The following ASAH2B variants were observed in gnomAD, a reference collection of about 807,000 sequenced individuals.
ASAH2B encodes N-acylsphingosine amidohydrolase 2B.
In ASAH2B, 1 loss-of-function variant was observed where a neutral mutation model predicts 2.9. The ratio of observed to expected loss-of-function variants is 0.34; its 90% CI spans 0.12 to 1.63. The LOEUF (loss-of-function observed/expected upper bound fraction) is 1.63. Ranked by LOEUF, ASAH2B falls within the 40% of genes most tolerant of loss-of-function variation. ASAH2B has a pLI of 0.36. For synonymous variants in ASAH2B, 4 were observed against 13.3 expected (o/e 0.30, Z 1.52); for missense variants, 9 against 37.7 (o/e 0.24, Z 1.99).
At chr10:50,745,879 A>G (rs1323086903) in intron 3 of ASAH2B, among the ~76,000 whole-genome samples, 1 of 151,110 alleles carries the variant, frequency 6.6e-6, no homozygotes, top group East Asian at 1.9e-4. Context: ...GATAAATAAA[A>G]ATTATATATA....
At chr10:50,743,115 C>T (rs1407632273) in intron 2 of ASAH2B, 105 bp downstream of exon 2, 56 of 1,193,238 alleles carry the variant, frequency 4.7e-5, no homozygotes, top group Non-Finnish European at 5.4e-5. Context: ...ACCTTAGCTT[C>T]GAGTGTTCAG....
chr10:50,747,436 TG>T (rs1243697127), intron 3 of ASAH2B, among the ~76,000 whole-genome samples: 2 of 151,544 alleles, frequency 1.3e-5, no homozygotes, highest in African/African-American at 2.4e-5. Flanking sequence ...CCTTCATCTT[TG>T]TTTTTTTTGC....
intron 2 of ASAH2B, among the ~76,000 whole-genome samples, chr10:50,744,113 C>T (rs560964063): frequency 6.6e-6 from 1 of 150,796 alleles, no homozygotes; most frequent in African/African-American, 2.5e-5. Context: ...TTATTTATTT[C>T]TATTATAAAA....
At chr10:50,747,700 T>C (rs1839928372) in intron 3 of ASAH2B, among the ~76,000 whole-genome samples, 1 of 151,862 alleles carries the variant, frequency 6.6e-6, no homozygotes, top group African/African-American at 2.4e-5. Context: ...TTTAATAAGG[T>C]ATTTGCATTC....
At chr10:50,742,405 T>TA (rs1368477106) in intron 1 of ASAH2B, among the ~76,000 whole-genome samples, 3 of 152,210 alleles carry the variant, frequency 2.0e-5, no homozygotes, top group Non-Finnish European at 1.5e-5. Flanking sequence ...AGGTTGGTTT[T>TA]AGATTTGATA....
chr10:50,742,966 G>T lies in ASAH2B; in HGVS notation c.-48G>T, dbSNP rs927412246. Reference sequence around the variant, plus strand: ...AATTTATGGACCGCACGCATTATCTGCTTACATTCAGCTCTTCAGAAACCT... The same window carrying T: ...AATTTATGGACCGCACGCATTATCTTCTTACATTCAGCTCTTCAGAAACCT... On this transcript the variant is annotated 5_prime_UTR_variant, in exon 2 of 6. Transcript: ENST00000647317. 1.9e-6 allele frequency: 3 copies of T among 1,613,918 alleles called. No individual in the cohort carries two copies. The African/African-American group carries it at 4.0e-5, about 22-fold the overall frequency.
chr10:50,753,051 G>A (rs1187467307), intron 5 of ASAH2B, among the ~76,000 whole-genome samples: 2 of 145,124 alleles, frequency 1.4e-5, no homozygotes, highest in African/African-American at 5.1e-5. Flanking sequence ...ACTTGAGTGA[G>A]GAGATAATAT....
chr10:50,746,166 G>C (rs1042600982), intron 3 of ASAH2B, among the ~76,000 whole-genome samples: 5 of 151,414 alleles, frequency 3.3e-5, no homozygotes, highest in Middle Eastern at 6.8e-3. Flanking sequence ...CCTAGCCCCT[G>C]GTAACTAACC....
intron 2 of ASAH2B, chr10:50,744,832 A>G (rs1839883902): frequency 2.3e-6 from 1 of 429,970 alleles, no homozygotes; most frequent in Non-Finnish European, 4.3e-6. Context: ...AGGTCAGACA[A>G]TTTGAAAGTA....
At chr10:50,744,444 G>A (rs981357938) in intron 2 of ASAH2B, among the ~76,000 whole-genome samples, 2 of 151,524 alleles carry the variant, frequency 1.3e-5, no homozygotes, top group Admixed American at 1.3e-4. Flanking sequence ...ATCATATGCA[G>A]TTGTAAAGAT....
intron 1 of ASAH2B, among the ~76,000 whole-genome samples, chr10:50,742,702 A>G (rs1433159581): frequency 6.6e-6 from 1 of 152,180 alleles, no homozygotes; most frequent in East Asian, 1.9e-4. Context: ...AAGCAGAGAG[A>G]ACCCACTGCT....
In ASAH2B at chr10:50,759,190, C is replaced by G. The variant is rs1428235036; in HGVS notation, c.*4450C>G. The G allele has an allele frequency of 3.9e-4, 27 of 70,020 alleles. No individual in the cohort carries two copies. Among genetic ancestry groups the G allele is most frequent in the East Asian group, 1.5e-3 (1 of 670 alleles). The allele number at this position is 70,020 out of a possible 1,614,324, so 4.3% of individuals were successfully genotyped here. On this transcript the variant is annotated 3_prime_UTR_variant, in exon 6 of 6. Coordinates refer to ENST00000647317, the MANE Select transcript of ASAH2B (RefSeq NM_001321958.2). Reference sequence around the variant, plus strand: ...TTGTATTAGCATTTTTCCCCCTTGACATCAATGTCCTTGAATGTATTTGCC... The same window carrying G: ...TTGTATTAGCATTTTTCCCCCTTGAGATCAATGTCCTTGAATGTATTTGCC...
At position 50,757,826 on chromosome 10, in the gene ASAH2B, A is replaced by G. The variant is rs1837127281; in HGVS notation, c.*3086A>G. The G allele has an allele frequency of 6.6e-6, 1 of 151,648 alleles. No homozygotes were observed. The highest frequency in any genetic ancestry group is 2.1e-4 in the South Asian group (1 of 4,814). The allele number at this position is 151,648 out of a possible 1,614,324, so 9.4% of individuals were successfully genotyped here. On this transcript the variant is annotated 3_prime_UTR_variant, in exon 6 of 6. Transcript: ENST00000647317. The stretch of plus-strand genomic sequence containing the variant: ...AACTCAGAAAATATTCCTGATCAAC[A>G]TGCATCCAAACACTAAAGACATTTA...
At position 50,756,054 on chromosome 10, in the gene ASAH2B, C is replaced by G. The variant is rs1837080924; in HGVS notation, c.*1314C>G. ...ATCTGACATCGATTGTCTGAAAGTACTAATTGCATTTAAAATTCTTTAAGT... is the reference window on the plus strand; with the variant it reads ...ATCTGACATCGATTGTCTGAAAGTAGTAATTGCATTTAAAATTCTTTAAGT... On this transcript the variant is annotated 3_prime_UTR_variant, in exon 6 of 6. Transcript: ENST00000647317. 1 of 98,622 alleles carries G rather than the reference C, an allele frequency of 1.0e-5. No homozygotes were observed. The highest frequency in any genetic ancestry group is 2.6e-5 in the African/African-American group (1 of 38,896). The allele number at this position is 98,622 out of a possible 1,614,324, so 6.1% of individuals were successfully genotyped here. A position where few individuals can be genotyped will look rare whatever the true frequency, so the allele number is the denominator to read the frequency against.
rs1056796238 is a variant in ASAH2B, at chr10:50,746,195, C to G, written c.144+921C>G. 2.6e-5 allele frequency among the ~76,000 whole-genome samples: 4 copies of G among 151,464 alleles called. No individual in the cohort carries two copies. The East Asian group carries it at 7.7e-4, about 29-fold the overall frequency. On this transcript the variant is annotated intron_variant, in intron 3 of 5. Coordinates refer to ENST00000647317, the MANE Select transcript of ASAH2B (RefSeq NM_001321958.2). ...ACTAACCTTCTGCCAACATTCTACT[C>G]TCTACTTCTATGAGTTTAACTCTTG...
chr10:50,743,380 T>C (rs2820743), intron 2 of ASAH2B, among the ~76,000 whole-genome samples: 119,357 of 148,596 alleles, frequency 0.8, 48,599 homozygotes, highest in East Asian at 0.97. Flanking sequence ...AACCTGTGTT[T>C]TCTAATCCTT....
chr10:50,748,795 AG>A (rs1464718868), intron 3 of ASAH2B, among the ~76,000 whole-genome samples: 2 of 150,952 alleles, frequency 1.3e-5, no homozygotes, highest in South Asian at 2.1e-4. Flanking sequence ...GGTGGATTAC[AG>A]GGTTCTTGTT....
intron 3 of ASAH2B, among the ~76,000 whole-genome samples, chr10:50,746,868 A>G (rs183692581): frequency 6.0e-5 from 9 of 151,056 alleles, no homozygotes; most frequent in Admixed American, 1.3e-4. Flanking sequence ...CTTGCTATAG[A>G]GTTGTTTGAG....
chr10:50,742,248 T>C (rs1839842133), intron 1 of ASAH2B, among the ~76,000 whole-genome samples: 1 of 152,094 alleles, frequency 6.6e-6, no homozygotes, highest in African/African-American at 2.4e-5. Context: ...GGAGACAGAA[T>C]TACCAGATGT....
Sources: allele counts gnomAD v4.1 joint callset (sites outside exome capture counted in the v4.1 genomes callset), GRCh38; gene constraint gnomAD v4.1.1; transcripts MANE v1.5; gene names NCBI Gene and HGNC (gene_info 2026-07-23, HGNC 2026-07-21).